CCDC187: variants seen among roughly 807,000 people sequenced by gnomAD.
CCDC187 encodes coiled-coil domain-containing protein 187.
CCDC187 carries 32 observed loss-of-function variants against 38.0 expected under a neutral mutation model. That is an observed-to-expected ratio of 0.84 (90% CI 0.64 to 1.13). The LOEUF (loss-of-function observed/expected upper bound fraction) is 1.13. CCDC187 is among the 50% of genes most tolerant of loss of function. The pLI is 0.00. For missense variants in CCDC187, 707 were observed against 786.8 expected, an observed-to-expected ratio of 0.90 and a Z score of 1.21; for synonymous variants, 333 against 347.9, an observed-to-expected ratio of 0.96 and a Z score of 0.48.
At position 136,250,487 on chromosome 9, in the gene CCDC187, G is replaced by A. The variant is rs962461180; in HGVS notation, c.*3107C>T. 2 of 341,024 alleles carry A rather than the reference G, an allele frequency of 5.9e-6. No individual in the cohort carries two copies. Among genetic ancestry groups the A allele is most frequent in the Non-Finnish European group, 1.2e-5 (2 of 172,520 alleles). The allele number at this position is 341,024 out of a possible 1,614,324, so 21.1% of individuals were successfully genotyped here. A position where few individuals can be genotyped will look rare whatever the true frequency, so the allele number is the denominator to read the frequency against. On this transcript the variant is annotated 3_prime_UTR_variant, in exon 26 of 26. Transcript: ENST00000638797. ...TTATCGTCATGCCAGATGCGTGTGT[G>A]TGAGATACATAATTCCTCTCACACG...
At chr9:136,283,077 C>T (rs942199405) in intron 9 of CCDC187, among the ~76,000 whole-genome samples, 2 of 152,160 alleles carry the variant, frequency 1.3e-5, no homozygotes, top group Non-Finnish European at 2.9e-5. Flanking sequence ...GGTGAAACCC[C>T]GTCTCTACTA....
At chr9:136,269,683 A>G (rs1290997407) in intron 14 of CCDC187, among the ~76,000 whole-genome samples, 1 of 152,196 alleles carries the variant, frequency 6.6e-6, no homozygotes, top group Non-Finnish European at 1.5e-5. Context: ...TTACAAGAAT[A>G]CAAAAATATC....
intron 18 of CCDC187, among the ~76,000 whole-genome samples, chr9:136,262,725 T>C (rs1272336325): frequency 6.6e-6 from 1 of 152,168 alleles, no homozygotes; most frequent in Non-Finnish European, 1.5e-5. Context: ...AGCTCTGGAA[T>C]CAGGTTGCTG....
rs959089912 is a variant in CCDC187, at chr9:136,251,373, C to T, written c.*2221G>A. On this transcript the variant is annotated 3_prime_UTR_variant, in exon 26 of 26. Transcript: ENST00000638797. ...CCCAGAGGAAAAGCCCCCGGCCGTGCGGGCTGCGCAGAAATGACCTTGGGC... is the reference window on the plus strand; with the variant it reads ...CCCAGAGGAAAAGCCCCCGGCCGTGTGGGCTGCGCAGAAATGACCTTGGGC... The T allele has an allele frequency of 2.6e-5, 7 of 267,018 alleles. No individual in the cohort carries two copies. The highest frequency in any genetic ancestry group is 4.9e-5 in the Admixed American group (1 of 20,318). 16.5% of individuals were successfully genotyped at this position (267,018 alleles called of 1,614,324 possible).
chr9:136,259,322 C>T, intron 21 of CCDC187, 41 bp downstream of exon 21: 1 of 904,838 alleles, frequency 1.1e-6, no homozygotes, highest in Non-Finnish European at 1.3e-6. Flanking sequence ...GTCCCTGAAA[C>T]AGGCGGTGCT....
rs1588676912 is a variant in CCDC187, at chr9:136,300,465, G to GCTCAC, written c.626-148_626-147insGTGAG. On this transcript the variant is annotated intron_variant, in intron 2 of 25. Coordinates refer to ENST00000638797, the MANE Select transcript of CCDC187 (RefSeq NM_001378188.1). ...GTCTCACTCTGTCACCCAAGCTGGA[G>GCTCAC]TGCAATGGCGCAATCTCAGCTCACT... The GCTCAC allele has an allele frequency of 7.8e-6, 3 of 386,896 alleles. No homozygotes were observed. The East Asian group carries it at 1.1e-4, about 14-fold the overall frequency. 24.0% of individuals were successfully genotyped at this position (386,896 alleles called of 1,614,324 possible). A position where few individuals can be genotyped will look rare whatever the true frequency, so the allele number is the denominator to read the frequency against.
chr9:136,268,620 AAGAC>A (rs1417421701), intron 14 of CCDC187, among the ~76,000 whole-genome samples: 10 of 152,272 alleles, frequency 6.6e-5, no homozygotes, highest in African/African-American at 2.4e-4. Context: ...CCTCCCACCA[AAGAC>A]AGAGCAAAAG....
chr9:136,289,518 CAAAAAAAAAAAA>C (rs878962393), intron 7 of CCDC187, among the ~76,000 whole-genome samples: 6 of 67,296 alleles, frequency 8.9e-5, no homozygotes, highest in South Asian at 5.6e-4. Context: ...AACTCCATCT[CAAAAAAAAAAAA>C]AAAAAAAAAA....
intron 19 of CCDC187, among the ~76,000 whole-genome samples, chr9:136,261,898 G>A (rs868918392): frequency 5.3e-5 from 8 of 152,372 alleles, no homozygotes; most frequent in Middle Eastern, 3.4e-3. Flanking sequence ...CCGGAAAGAA[G>A]AGCTGTTCCC....
chr9:136,253,597 C>T lies in CCDC187; in HGVS notation c.6231G>A (p.Gln2077=). The part of the protein sequence containing the change: ...FPGPQGSAGT[Q] Reference sequence around the variant, plus strand: ...CCACCCCTGGGCAGAGCCCCAACTACTGGGTTCCCGCCGACCCCTGGGGCC... The same window carrying T: ...CCACCCCTGGGCAGAGCCCCAACTATTGGGTTCCCGCCGACCCCTGGGGCC... Residue 2077 remains glutamine (Q), a synonymous_variant, in exon 26 of 26, where the codon CAG becomes CAA. Coordinates refer to ENST00000638797, the MANE Select transcript of CCDC187 (RefSeq NM_001378188.1). The T allele has an allele frequency of 1.0e-6, 1 of 985,616 alleles. No homozygotes were observed. The highest frequency in any genetic ancestry group is 1.2e-6 in the Non-Finnish European group (1 of 830,066). 61.1% of individuals were successfully genotyped at this position (985,616 alleles called of 1,614,324 possible). A position where few individuals can be genotyped will look rare whatever the true frequency, so the allele number is the denominator to read the frequency against.
At chr9:136,302,491 C>T (rs1831709717) in intron 2 of CCDC187, among the ~76,000 whole-genome samples, 1 of 152,250 alleles carries the variant, frequency 6.6e-6, no homozygotes, top group South Asian at 2.1e-4. Context: ...GACCATGCAG[C>T]CCCCCAAGGC....
rs1588650910 is a variant in CCDC187, at chr9:136,260,276, T to C, written c.4065-12A>G. On this transcript the variant is annotated splice_polypyrimidine_tract_variant and intron_variant, in intron 19 of 25. Transcript: ENST00000638797. ...GCTCAGTGGGAGGGCTGCACGGCCA[T>C]GCAGAGTGGAGGTGACCGCCCGCCC... 2.0e-6 allele frequency: 2 copies of C among 984,900 alleles called. No homozygotes were observed. The highest frequency in any genetic ancestry group is 2.4e-6 in the Non-Finnish European group (2 of 829,878). The allele number at this position is 984,900 out of a possible 1,614,324, so 61.0% of individuals were successfully genotyped here. A position where few individuals can be genotyped will look rare whatever the true frequency, so the allele number is the denominator to read the frequency against.
At chr9:136,281,864 AGGAGGCAGGGGTGAGCG>A (rs1359527050) in intron 9 of CCDC187, among the ~76,000 whole-genome samples, 49 of 151,954 alleles carry the variant, frequency 3.2e-4, no homozygotes, top group African/African-American at 1.0e-3. Context: ...CCTGGGAGCC[AGGAGGCAGGGGTGAGCG>A]GGAGGCAGGG....
chr9:136,285,546 G>A lies in CCDC187; in HGVS notation c.2894C>T (p.Ala965Val). The A allele has an allele frequency of 2.5e-6, 1 of 402,080 alleles. No individual in the cohort carries two copies. Among genetic ancestry groups the A allele is most frequent in the East Asian group, 3.6e-5 (1 of 28,004 alleles). The allele number at this position is 402,080 out of a possible 1,614,324, so 24.9% of individuals were successfully genotyped here. The change falls in exon 9 of 26, where the codon GCC (alanine) becomes GTC (valine). Residue 965 changes from alanine to valine, a missense_variant. Physicochemically the swap from Ala to Val is moderately conservative, Grantham distance 64. Transcript: ENST00000638797. ...KPDKRLQRGV[A>V]PFQALSPSAG... ...AGAGGGGCTGAGGGCCTGGAAGGGG[G>A]CCACGCCTCTCTGCAGCCTTTTGTC...
In CCDC187 at chr9:136,251,427, G is replaced by A. The variant is rs1420525686; in HGVS notation, c.*2167C>T. On this transcript the variant is annotated 3_prime_UTR_variant, in exon 26 of 26. Transcript: ENST00000638797. ...TGAGCCGTGGCTTCCTCTGGTCTGT[G>A]CAGCTCAGGTGTGAGACATCCATGC... 2 of 213,914 alleles carry A rather than the reference G, an allele frequency of 9.3e-6. No homozygotes were observed. Among genetic ancestry groups the A allele is most frequent in the East Asian group, 2.2e-4 (2 of 9,080 alleles). 13.3% of individuals were successfully genotyped at this position (213,914 alleles called of 1,614,324 possible). A position where few individuals can be genotyped will look rare whatever the true frequency, so the allele number is the denominator to read the frequency against.
At chr9:136,299,964 CAAA>C (rs1176239472) in intron 3 of CCDC187, among the ~76,000 whole-genome samples, 3 of 152,234 alleles carry the variant, frequency 2.0e-5, no homozygotes, top group African/African-American at 7.2e-5. Flanking sequence ...ACAACAACAA[CAAA>C]AAATGCCCCT....
chr9:136,293,308 CACACACTCACACTCACATGCTT>C (rs1345449740), intron 4 of CCDC187, among the ~76,000 whole-genome samples: 73 of 149,802 alleles, frequency 4.9e-4, no homozygotes, highest in African/African-American at 1.6e-3. Context: ...AACACATGTT[CACACACTCACACTCACATGCTT>C]ACACACTCAC....
In CCDC187 at chr9:136,251,049, A is replaced by AG. The variant is rs1564302696; in HGVS notation, c.*2544dup. 1 of 456,140 alleles carries AG rather than the reference A, an allele frequency of 2.2e-6. No homozygotes were observed. Among genetic ancestry groups the AG allele is most frequent in the South Asian group, 1.5e-5 (1 of 64,572 alleles). 28.3% of individuals were successfully genotyped at this position (456,140 alleles called of 1,614,324 possible). ...GCCTCCCACCAGACTGCATGCATAA[A>AG]GTCTGGAGTATGCTCCTCTCTGAAG... On this transcript the variant is annotated 3_prime_UTR_variant, in exon 26 of 26. Transcript: ENST00000638797.
Position 136,254,805 on chromosome 9 carries a change from C to T in CCDC187, c.5023G>A (p.Gly1675Arg). Residue 1675 changes from glycine to arginine, a missense_variant, in exon 26 of 26, where the codon GGG becomes AGG. Gly to Arg is a moderately radical substitution (Grantham distance 125). Transcript: ENST00000638797. ...PGELSARHSS[G>R]EAGLPLSWRS... ...CAGGACAAAGGCAGGCCAGCTTCCC[C>T]CGAGGAGTGTCGGGCAGAGAGCTCT... is the stretch of plus-strand genomic sequence containing the variant. 2.0e-6 allele frequency: 2 copies of T among 985,520 alleles called. No homozygotes were observed. The highest frequency in any genetic ancestry group is 2.4e-6 in the Non-Finnish European group (2 of 829,990). 61.0% of individuals were successfully genotyped at this position (985,520 alleles called of 1,614,324 possible).
Sources: gnomAD v4.1 joint callset for allele counts (sites outside exome capture counted in the v4.1 genomes callset) on GRCh38, gnomAD v4.1.1 for gene constraint, MANE v1.5 for transcripts, NCBI Gene and HGNC (gene_info 2026-07-23, HGNC 2026-07-21) for gene names.